ATP8A2: variants seen among roughly 807,000 people sequenced by gnomAD.
ATP8A2 encodes the protein ATPase phospholipid transporting 8A2.
In ATP8A2, 100 loss-of-function variants were observed where a neutral mutation model predicts 165.6. The ratio of observed to expected loss-of-function variants is 0.60; its 90% CI spans 0.51 to 0.71. ATP8A2 has a LOEUF of 0.71. Ranked by LOEUF, ATP8A2 falls within the 30% of genes least tolerant of loss-of-function variation. ATP8A2 has a pLI of 0.00. For synonymous variants in ATP8A2, 543 were observed against 548.8 expected, an observed-to-expected ratio of 0.99 and a Z score of 0.15; for missense variants, 1,227 against 1,479.5, an observed-to-expected ratio of 0.83 and a Z score of 2.80.
Position 25,706,044 on chromosome 13 carries a change from A to G in ATP8A2, c.2384+6699A>G, listed in dbSNP as rs76333781. 7.9e-5 allele frequency among the ~76,000 whole-genome samples: 12 copies of G among 152,328 alleles called. No homozygotes were observed. The East Asian group carries it at 2.3e-3, about 29-fold the overall frequency. ...GGATTCAAGGATAAGCAACATAGAA[A>G]CTTGCAAAAGGGCTTGTAGCCTTAG... On this transcript the variant is annotated intron_variant, in intron 25 of 36. Coordinates refer to ENST00000381655, the MANE Select transcript of ATP8A2 (RefSeq NM_016529.6).
chr13:25,491,515 A>C (rs2036527081), intron 2 of ATP8A2, among the ~76,000 whole-genome samples: 1 of 152,180 alleles, frequency 6.6e-6, no homozygotes, highest in Non-Finnish European at 1.5e-5. Context: ...AGTGTGAGTC[A>C]CCATGCCCGA....
chr13:25,568,480 C>T (rs2039379646), intron 16 of ATP8A2, among the ~76,000 whole-genome samples: 3 of 152,086 alleles, frequency 2.0e-5, no homozygotes, highest in African/African-American at 7.2e-5. Context: ...AGATATATGG[C>T]ATTTTGTACA....
At chr13:25,927,795 C>T (rs1244723032) in intron 33 of ATP8A2, among the ~76,000 whole-genome samples, 1 of 152,248 alleles carries the variant, frequency 6.6e-6, no homozygotes, top group Non-Finnish European at 1.5e-5. Flanking sequence ...AGGCTGCTGT[C>T]CTGCCTAGAG....
chr13:25,831,394 T>C lies in ATP8A2; in HGVS notation c.2754+3202T>C, dbSNP rs190213912. On this transcript the variant is annotated intron_variant, in intron 28 of 36. Coordinates refer to ENST00000381655, the MANE Select transcript of ATP8A2 (RefSeq NM_016529.6). Reference sequence around the variant, plus strand: ...CGCGCCCGGCTAATTTTTGTATTTTTAGTAGAGATGAGGTTTCACTGTGTT... The same window carrying C: ...CGCGCCCGGCTAATTTTTGTATTTTCAGTAGAGATGAGGTTTCACTGTGTT... Among the ~76,000 whole-genome samples, 440 of 152,120 alleles carry C rather than the reference T, an allele frequency of 2.9e-3. 2 individuals carry two copies. Among genetic ancestry groups the C allele is most frequent in the Admixed American group, 6.2e-3 (94 of 15,282 alleles).
intron 33 of ATP8A2, among the ~76,000 whole-genome samples, chr13:25,895,008 T>C (rs1258383413): frequency 3.3e-5 from 5 of 152,224 alleles, no homozygotes; most frequent in African/African-American, 1.2e-4. Flanking sequence ...CCTCTTTTCC[T>C]AATTGAATGC....
intron 33 of ATP8A2, among the ~76,000 whole-genome samples, chr13:25,895,690 A>C (rs1176816780): frequency 2.6e-5 from 4 of 152,104 alleles, no homozygotes; most frequent in Non-Finnish European, 5.9e-5. Context: ...GTAAGCTATT[A>C]ATTATTGCCT....
intron 24 of ATP8A2, among the ~76,000 whole-genome samples, chr13:25,684,681 T>C (rs2042564515): frequency 6.6e-6 from 1 of 152,242 alleles, no homozygotes; most frequent in Non-Finnish European, 1.5e-5. Flanking sequence ...AGAAAATCTA[T>C]TTAAAGCAAA....
Position 25,769,150 on chromosome 13 carries a change from A to G in ATP8A2, c.2489A>G (p.Gln830Arg). The change falls in exon 26 of 37, where the codon CAG becomes CGG. Residue 830 changes from glutamine to arginine, a missense_variant. Around this residue, in one of 5 missense-constraint regions of ATP8A2, gnomAD observed 592 missense variants for 785.6 expected, o/e 0.75. Coordinates refer to ENST00000381655, the MANE Select transcript of ATP8A2 (RefSeq NM_016529.6). The stretch of plus-strand genomic sequence containing the variant: ...GGCGCCAACGATGTCGGGATGATCC[A>G]GACAGCCCACGTGGGTGTGGGAATC... ...GDGANDVGMI[Q>R]TAHVGVGISG... 1.2e-6 allele frequency: 2 copies of G among 1,614,120 alleles called. No individual in the cohort carries two copies. The highest frequency in any genetic ancestry group is 2.2e-5 in the East Asian group (1 of 44,870).
intron 2 of ATP8A2, among the ~76,000 whole-genome samples, chr13:25,520,206 G>A (rs2137837042): frequency 6.6e-6 from 1 of 152,276 alleles, no homozygotes; most frequent in East Asian, 1.9e-4. Context: ...GTAACCACCA[G>A]TCTGCCCTCT....
At chr13:25,608,507 G>A (rs2040576405) in intron 24 of ATP8A2, among the ~76,000 whole-genome samples, 1 of 152,042 alleles carries the variant, frequency 6.6e-6, no homozygotes, top group African/African-American at 2.4e-5. Context: ...GTTTGTGACA[G>A]TTGCCACAAA....
chr13:25,829,716 ATAT>A (rs1341940684), intron 28 of ATP8A2, among the ~76,000 whole-genome samples: 15 of 93,708 alleles, frequency 1.6e-4, no homozygotes, highest in Non-Finnish European at 3.0e-4. Flanking sequence ...ATATATATAT[ATAT>A]ATCACCTGCT....
At chr13:25,868,479 T>A (rs1339002811) in intron 33 of ATP8A2, among the ~76,000 whole-genome samples, 2 of 152,312 alleles carry the variant, frequency 1.3e-5, no homozygotes, top group East Asian at 3.9e-4. Context: ...TCGTGACATC[T>A]TTTTGTACAG....
At chr13:25,557,770 T>A (rs1265544005) in intron 13 of ATP8A2, among the ~76,000 whole-genome samples, 1 of 152,236 alleles carries the variant, frequency 6.6e-6, no homozygotes, top group Non-Finnish European at 1.5e-5. Context: ...GCTTCAGTAG[T>A]TCATCCTAAT....
At chr13:25,577,359 C>T (rs567242397) in intron 20 of ATP8A2, among the ~76,000 whole-genome samples, 17 of 152,268 alleles carry the variant, frequency 1.1e-4, no homozygotes, top group Non-Finnish European at 2.4e-4. Flanking sequence ...TTACTGAAAT[C>T]GTTGGTTTCA....
At chr13:25,425,836 A>C (rs2034435864) in intron 1 of ATP8A2, among the ~76,000 whole-genome samples, 1 of 152,180 alleles carries the variant, frequency 6.6e-6, no homozygotes, top group South Asian at 2.1e-4. Context: ...TCCGCCTCCC[A>C]GAGTGCTGGG....
Position 25,715,768 on chromosome 13 carries a change from C to G in ATP8A2, c.2384+16423C>G, listed in dbSNP as rs9581437. Among the ~76,000 whole-genome samples the G allele has an allele frequency of 3.7e-3, 569 of 152,282 alleles. 4 individuals carry two copies. The highest frequency in any genetic ancestry group is 0.017 in the Middle Eastern group (5 of 294). On this transcript the variant is annotated intron_variant, in intron 25 of 36. Transcript: ENST00000381655. ...GAATTATACTTCTATAAACATTCATCTACAAATTTTTGTGTGGACATATGT... is the reference window on the plus strand; with the variant it reads ...GAATTATACTTCTATAAACATTCATGTACAAATTTTTGTGTGGACATATGT...
chr13:25,642,430 G>T (rs186965244), intron 24 of ATP8A2, among the ~76,000 whole-genome samples: 3 of 152,228 alleles, frequency 2.0e-5, no homozygotes, highest in Non-Finnish European at 4.4e-5. Context: ...TCACAAAGTG[G>T]GCGAAGGCTA....
chr13:25,399,704 T>G (rs1354800213), intron 1 of ATP8A2, among the ~76,000 whole-genome samples: 31 of 151,404 alleles, frequency 2.0e-4, no homozygotes, highest in African/African-American at 7.5e-4. Context: ...GCCCGGCCCG[T>G]GGTTCTTCTT....
intron 1 of ATP8A2, among the ~76,000 whole-genome samples, chr13:25,419,417 C>T (rs1046556773): frequency 6.6e-6 from 1 of 152,174 alleles, no homozygotes; most frequent in Non-Finnish European, 1.5e-5. Context: ...AAAGCATACA[C>T]GTTTCATGTA....
Sources: allele counts gnomAD v4.1 joint callset (sites outside exome capture counted in the v4.1 genomes callset), GRCh38; gene constraint gnomAD v4.1.1; regional missense constraint gnomAD v4.1.1; transcripts MANE v1.5; gene names NCBI Gene and HGNC (gene_info 2026-07-23, HGNC 2026-07-21).